The following INPP4A variants were observed in gnomAD, a reference collection of about 807,000 sequenced individuals.
The protein encoded by INPP4A is inositol polyphosphate-4-phosphatase, type I, 107kD.
INPP4A carries 33 observed loss-of-function variants against 119.8 expected under a neutral mutation model. That is an observed-to-expected ratio of 0.28 (90% confidence interval 0.21 to 0.37). INPP4A has a LOEUF of 0.37. Ranked by LOEUF, INPP4A falls within the 10% of genes least tolerant of loss-of-function variation. The pLI is 1.00. For missense variants in INPP4A, 956 were observed against 1,289.9 expected, an observed-to-expected ratio of 0.74 and a Z score of 3.97; for synonymous variants, 496 against 500.7, an observed-to-expected ratio of 0.99 and a Z score of 0.12.
rs767987854 is a variant in INPP4A at position 98,563,576 on chromosome 2, C to T, written c.1967C>T (p.Ala656Val). The T allele has an allele frequency of 8.1e-6, 13 of 1,613,560 alleles. No homozygotes were observed. The highest frequency in any genetic ancestry group is 1.1e-5 in the South Asian group (1 of 91,074). Residue 656 changes from alanine to valine, a missense_variant, in exon 18 of 25, where the codon GCG becomes GTG. Transcript: ENST00000409851. ...GTATTCCTGCTCATGCAGGACAGCG[C>T]GCCCACCATAGCCACCTACCTGAGC... is the stretch of plus-strand genomic sequence containing the variant. ...AMVFLLMQDSAPTIATYLSLQ... is the reference protein window; with the variant it reads ...AMVFLLMQDSVPTIATYLSLQ...
chr2:98,554,568 C>T lies in INPP4A; in HGVS notation c.1566+79C>T, dbSNP rs1336498415. 11 of 1,267,618 alleles carry T rather than the reference C, an allele frequency of 8.7e-6. No individual in the cohort carries two copies. Among genetic ancestry groups the T allele is most frequent in the Non-Finnish European group, 1.0e-5 (9 of 902,040 alleles). 78.5% of individuals were successfully genotyped at this position (1,267,618 alleles called of 1,614,324 possible). A position where few individuals can be genotyped will look rare whatever the true frequency, so the allele number is the denominator to read the frequency against. On this transcript the variant is annotated intron_variant, in intron 15 of 24. Coordinates refer to ENST00000409851, the MANE Select transcript of INPP4A (RefSeq NM_001134225.2). This position sits in a 1 kb window ranked among gnomAD's most constrained non-coding sequence, Gnocchi z 4.7. Reference sequence around the variant, plus strand: ...CAAAACCTGTTGCCAGTCTCTGCCCCTCTGAAGTGCCTCAAGGTTCAACTG... The same window carrying T: ...CAAAACCTGTTGCCAGTCTCTGCCCTTCTGAAGTGCCTCAAGGTTCAACTG...
chr2:98,488,834 G>A (rs1574690665), intron 1 of INPP4A, among the ~76,000 whole-genome samples: 2 of 152,158 alleles, frequency 1.3e-5, no homozygotes, highest in African/African-American at 4.8e-5. Context: ...GCTGGAGGGG[G>A]TGGAGTAGGG....
rs944019933 is a variant in INPP4A at position 98,591,334 on chromosome 2, C to A, written c.*3726C>A. Reference sequence around the variant, plus strand: ...TATTAACAGTTTCTACCTTCACTCTCATGTCTCAGGATTATTTTTTCAGCA... The same window carrying A: ...TATTAACAGTTTCTACCTTCACTCTAATGTCTCAGGATTATTTTTTCAGCA... On this transcript the variant is annotated 3_prime_UTR_variant, in exon 25 of 25. Coordinates refer to ENST00000409851, the MANE Select transcript of INPP4A (RefSeq NM_001134225.2). 2 of 155,530 alleles carry A rather than the reference C, an allele frequency of 1.3e-5. No individual in the cohort carries two copies. Among genetic ancestry groups the A allele is most frequent in the Non-Finnish European group, 2.9e-5 (2 of 70,154 alleles). The allele number at this position is 155,530 out of a possible 1,614,324, so 9.6% of individuals were successfully genotyped here.
At chr2:98,490,926 G>A (rs945927713) in intron 1 of INPP4A, among the ~76,000 whole-genome samples, 10 of 151,996 alleles carry the variant, frequency 6.6e-5, no homozygotes, top group Non-Finnish European at 1.2e-4. Context: ...AAAACAAAAC[G>A]AAAACCCTTT....
At chr2:98,537,696 C>G (rs1289268535) in intron 7 of INPP4A, among the ~76,000 whole-genome samples, 167 bp from the exon 8 acceptor site, 1 of 152,182 alleles carries the variant, frequency 6.6e-6, no homozygotes, top group Non-Finnish European at 1.5e-5. Flanking sequence ...TTGTCTGTCT[C>G]GCCTGAGAGG....
chr2:98,480,886 G>C (rs754494885), intron 1 of INPP4A, among the ~76,000 whole-genome samples: 1 of 152,198 alleles, frequency 6.6e-6, no homozygotes, highest in Non-Finnish European at 1.5e-5. Flanking sequence ...GAGGGTGAGT[G>C]GGGGGCAGGG....
chr2:98,577,604 C>T (rs1698646624), intron 24 of INPP4A, among the ~76,000 whole-genome samples: 1 of 152,246 alleles, frequency 6.6e-6, no homozygotes. Context: ...CATCGGTCTG[C>T]TCTGCTGCTT....
At chr2:98,537,761 G>T (rs1387841708) in intron 7 of INPP4A, 102 bp from the exon 8 acceptor site, 3 of 836,440 alleles carry the variant, frequency 3.6e-6, no homozygotes, top group Non-Finnish European at 6.0e-6. Flanking sequence ...CGGCCCTGCT[G>T]CCCCCAGGAC....
intron 18 of INPP4A, among the ~76,000 whole-genome samples, chr2:98,563,874 C>T (rs995480656): frequency 6.6e-6 from 1 of 151,840 alleles, no homozygotes; most frequent in Non-Finnish European, 1.5e-5. Flanking sequence ...CAGAGTCTGC[C>T]GATTCTGCAC....
intron 1 of INPP4A, among the ~76,000 whole-genome samples, chr2:98,474,413 A>G (rs932745949): frequency 2.0e-5 from 3 of 152,326 alleles, no homozygotes; most frequent in African/African-American, 7.2e-5. Context: ...TGTCTTCTCT[A>G]TAATGTGGAA....
At chr2:98,447,069 C>T (rs914914120) in intron 1 of INPP4A, among the ~76,000 whole-genome samples, 14 of 152,276 alleles carry the variant, frequency 9.2e-5, no homozygotes, top group African/African-American at 3.1e-4. Context: ...GGACCGACTG[C>T]CCCACTGATC....
intron 1 of INPP4A, among the ~76,000 whole-genome samples, chr2:98,477,222 G>A (rs1242682159): frequency 6.6e-6 from 1 of 152,232 alleles, no homozygotes; most frequent in Non-Finnish European, 1.5e-5. Context: ...CGGCAGTTGG[G>A]GTTGGAGCCC....
chr2:98,511,590 A>G (rs1685130097), intron 1 of INPP4A, among the ~76,000 whole-genome samples: 1 of 152,182 alleles, frequency 6.6e-6, no homozygotes, highest in Admixed American at 6.5e-5. Context: ...CTGCCCCCTC[A>G]GAACATGGAT....
intron 1 of INPP4A, among the ~76,000 whole-genome samples, chr2:98,501,047 C>T (rs2105375201): frequency 6.6e-6 from 1 of 152,318 alleles, no homozygotes; most frequent in East Asian, 1.9e-4. Flanking sequence ...GTGGGTCAGG[C>T]CTATAATCCC....
At chr2:98,492,748 A>T in intron 1 of INPP4A, among the ~76,000 whole-genome samples, 1 of 152,238 alleles carries the variant, frequency 6.6e-6, no homozygotes, top group East Asian at 1.9e-4. Context: ...GTCTTGTATC[A>T]GTTCGATATC....
Position 98,566,318 on chromosome 2 carries a change from T to TGAGGTG in INPP4A, c.2420+149_2420+150insGAGGTG. ...AACATTTTCATCATGGCCGTGCACC[T>TGAGGTG]CACTGTCTTTGGTGCTAGGGACACA... On this transcript the variant is annotated intron_variant, in intron 21 of 24. Transcript: ENST00000409851. This position sits in a 1 kb window ranked among gnomAD's most constrained non-coding sequence, Gnocchi z 4.2. 2 of 891,652 alleles carry TGAGGTG rather than the reference T, an allele frequency of 2.2e-6. No homozygotes were observed. The highest frequency in any genetic ancestry group is 3.3e-6 in the Non-Finnish European group (2 of 614,106). 55.2% of individuals were successfully genotyped at this position (891,652 alleles called of 1,614,324 possible).
intron 19 of INPP4A, among the ~76,000 whole-genome samples, chr2:98,565,373 A>G (rs767557706): frequency 1.3e-5 from 2 of 152,168 alleles, no homozygotes; most frequent in Admixed American, 6.5e-5. Flanking sequence ...CCTCCCTACT[A>G]TCTGGTGCTT....
intron 13 of INPP4A, among the ~76,000 whole-genome samples, chr2:98,552,400 G>A (rs1693691037): frequency 6.6e-6 from 1 of 152,164 alleles, no homozygotes; most frequent in Non-Finnish European, 1.5e-5. Flanking sequence ...CCCTTCTTCT[G>A]TAAATGGCCT....
At chr2:98,504,565 C>G (rs1683693718) in intron 1 of INPP4A, among the ~76,000 whole-genome samples, 1 of 152,168 alleles carries the variant, frequency 6.6e-6, no homozygotes, top group Admixed American at 6.5e-5. Context: ...CAGGTCATCC[C>G]CAGTCTCCTG....
Sources: allele counts gnomAD v4.1 joint callset (sites outside exome capture counted in the v4.1 genomes callset), GRCh38; gene constraint gnomAD v4.1.1; non-coding constraint Gnocchi (gnomAD v3.1); transcripts MANE v1.5; gene names NCBI Gene and HGNC (gene_info 2026-07-23, HGNC 2026-07-21).